The following NLGN1 variants were observed in gnomAD, a reference collection of about 807,000 sequenced individuals.
NLGN1 encodes neuroligin-1.
NLGN1 carries 12 observed loss-of-function variants against 65.5 expected under a neutral mutation model. That is an observed-to-expected ratio of 0.18 (90% CI 0.12 to 0.30). NLGN1 has a LOEUF of 0.30. Ranked by LOEUF, NLGN1 falls within the 10% of genes least tolerant of loss-of-function variation. NLGN1 has a pLI of 1.00. For synonymous variants in NLGN1, 350 were observed against 359.5 expected (o/e 0.97, Z 0.30); for missense variants, 750 against 1,007.1 (o/e 0.74, Z 3.46).
chr3:173,837,862 C>G (rs1723955736), intron 4 of NLGN1, among the ~76,000 whole-genome samples: 1 of 152,112 alleles, frequency 6.6e-6, no homozygotes, highest in Non-Finnish European at 1.5e-5. Flanking sequence ...GTATGCAGTT[C>G]TGGTGGGAAC....
chr3:173,878,175 A>G (rs1448471119), intron 4 of NLGN1, among the ~76,000 whole-genome samples: 3 of 151,864 alleles, frequency 2.0e-5, no homozygotes, highest in Admixed American at 6.6e-5. Flanking sequence ...CCAAGTAGCT[A>G]GGACTACAGG....
chr3:173,434,850 T>C (rs972043029), intron 1 of NLGN1, among the ~76,000 whole-genome samples: 2 of 152,238 alleles, frequency 1.3e-5, no homozygotes, highest in African/African-American at 4.8e-5. Flanking sequence ...AACTCCTAAG[T>C]GTAGCACATG....
At chr3:173,834,821 T>C (rs1723280690) in intron 4 of NLGN1, among the ~76,000 whole-genome samples, 1 of 152,216 alleles carries the variant, frequency 6.6e-6, no homozygotes, top group Admixed American at 6.5e-5. Flanking sequence ...TTTATCTCTA[T>C]GTAATCACTC....
At position 173,451,045 on chromosome 3, in the gene NLGN1, G is replaced by A. The variant is rs531564171; in HGVS notation, c.-321+15967G>A. 1.2e-4 allele frequency among the ~76,000 whole-genome samples: 19 copies of A among 152,158 alleles called. No individual in the cohort carries two copies. The South Asian group carries it at 2.1e-3, about 17-fold the overall frequency. ...GCTCAGAGTAGTTTGATCTTCTGAAGCCTTCTTCTCTCAACTCGTCAAAGT... is the reference window on the plus strand; with the variant it reads ...GCTCAGAGTAGTTTGATCTTCTGAAACCTTCTTCTCTCAACTCGTCAAAGT... On this transcript the variant is annotated intron_variant, in intron 2 of 6. Transcript: ENST00000457714.
intron 4 of NLGN1, among the ~76,000 whole-genome samples, chr3:174,060,659 T>C (rs894470178): frequency 6.6e-6 from 1 of 152,090 alleles, no homozygotes; most frequent in Admixed American, 6.6e-5. Flanking sequence ...CAATCAATCA[T>C]GTGAAGAGCC....
intron 3 of NLGN1, among the ~76,000 whole-genome samples, chr3:173,645,935 A>G (rs909183398): frequency 6.6e-6 from 1 of 151,928 alleles, no homozygotes; most frequent in African/African-American, 2.4e-5. Flanking sequence ...AACAGTCTGA[A>G]CCCTGCCACA....
chr3:174,021,265 G>A (rs1168598291), intron 4 of NLGN1, among the ~76,000 whole-genome samples: 15 of 151,924 alleles, frequency 9.9e-5, no homozygotes, highest in Admixed American at 8.5e-4. Flanking sequence ...TACAAGGACT[G>A]GTGCTGGCCA....
intron 3 of NLGN1, among the ~76,000 whole-genome samples, chr3:173,759,180 A>C (rs541036569): frequency 7.2e-5 from 11 of 151,822 alleles, no homozygotes; most frequent in African/African-American, 2.4e-4. Context: ...ACACACACCC[A>C]ATTTTCATGT....
rs1416379007 is a variant in NLGN1 at position 173,789,254 on chromosome 3, AAGTT to A, written c.494-18421_494-18418del. Among the ~76,000 whole-genome samples the A allele has an allele frequency of 6.6e-5, 10 of 152,180 alleles. No individual in the cohort carries two copies. The East Asian group carries it at 1.4e-3, about 21-fold the overall frequency. On this transcript the variant is annotated intron_variant, in intron 3 of 6. Coordinates refer to ENST00000457714, the Ensembl canonical transcript of NLGN1. ...AAAGAAGGAAGGAAGGAAGGAAAGA[AAGTT>A]AGTTTTAATTAAAAAGAAGCGTGAA...
At chr3:173,824,721 A>T (rs1479316043) in intron 4 of NLGN1, among the ~76,000 whole-genome samples, 1 of 152,062 alleles carries the variant, frequency 6.6e-6, no homozygotes, top group East Asian at 1.9e-4. Flanking sequence ...CACTCATATG[A>T]TCGTGCTGTG....
chr3:174,169,893 C>T (rs1728201799), intron 4 of NLGN1, among the ~76,000 whole-genome samples: 1 of 152,142 alleles, frequency 6.6e-6, no homozygotes, highest in Non-Finnish European at 1.5e-5. Flanking sequence ...CATTTTCAAG[C>T]CTCTCCCTAA....
intron 3 of NLGN1, among the ~76,000 whole-genome samples, chr3:173,791,439 T>G (rs1039735622): frequency 3.9e-5 from 6 of 152,146 alleles, no homozygotes; most frequent in African/African-American, 1.4e-4. Context: ...GTTATGCAAT[T>G]TAACTGATAT....
chr3:173,704,302 A>G (rs1767709939), intron 3 of NLGN1, among the ~76,000 whole-genome samples: 1 of 152,164 alleles, frequency 6.6e-6, no homozygotes, highest in Non-Finnish European at 1.5e-5. Flanking sequence ...GTGACATGGT[A>G]GTTTCGTTGT....
intron 4 of NLGN1, among the ~76,000 whole-genome samples, chr3:173,809,752 A>G (rs1350764350): frequency 6.6e-6 from 1 of 152,194 alleles, no homozygotes; most frequent in African/African-American, 2.4e-5. Context: ...TTAATCCTAT[A>G]TTCATGCCCA....
At chr3:173,776,324 A>T (rs1780292606) in intron 3 of NLGN1, among the ~76,000 whole-genome samples, 1 of 152,094 alleles carries the variant, frequency 6.6e-6, no homozygotes, top group Non-Finnish European at 1.5e-5. Flanking sequence ...AATCTAATTA[A>T]TCTGGATTCT....
chr3:174,111,971 A>G (rs1432460984), intron 4 of NLGN1, among the ~76,000 whole-genome samples: 1 of 151,928 alleles, frequency 6.6e-6, no homozygotes, highest in Non-Finnish European at 1.5e-5. Context: ...GGAACTGCCA[A>G]TTTGGAACTT....
At chr3:174,064,443 A>G (rs970294876) in intron 4 of NLGN1, among the ~76,000 whole-genome samples, 2 of 151,876 alleles carry the variant, frequency 1.3e-5, no homozygotes, top group African/African-American at 4.8e-5. Context: ...GAGCTAGATT[A>G]ATAGTTTGGG....
intron 1 of NLGN1, among the ~76,000 whole-genome samples, chr3:173,398,748 T>C (rs1717088690): frequency 6.6e-6 from 1 of 152,224 alleles, no homozygotes. Flanking sequence ...ACCCAGTATC[T>C]GTTACTCTGC....
chr3:173,747,856 G>A (rs1428771123), intron 3 of NLGN1, among the ~76,000 whole-genome samples: 2 of 111,580 alleles, frequency 1.8e-5, no homozygotes, highest in African/African-American at 7.3e-5. Context: ...CTCTGTCACC[G>A]AGTTTGGAGT....
Sources: allele counts gnomAD v4.1 joint callset (sites outside exome capture counted in the v4.1 genomes callset), GRCh38; gene constraint gnomAD v4.1.1; transcripts MANE v1.5; gene names NCBI Gene and HGNC (gene_info 2026-07-23, HGNC 2026-07-21).